Variants in DMD observed in about 807,000 individuals in gnomAD.
The protein encoded by DMD is dystrophin.
In DMD, 63 loss-of-function variants were observed where a neutral mutation model predicts 330.1. The ratio of observed to expected loss-of-function variants is 0.19; its 90% CI spans 0.16 to 0.24. The LOEUF (loss-of-function observed/expected upper bound fraction) is 0.24. Ranked by LOEUF, DMD falls within the 10% of genes least tolerant of loss-of-function variation. The pLI is 1.00. For missense variants in DMD, 3,344 were observed against 2,684.1 expected (o/e 1.25, Z -5.43); for synonymous variants, 1,223 against 959.8 (o/e 1.27, Z -5.07).
chrX:31,140,013 G>C (rs1186261259), intron 76 of DMD, among the ~76,000 whole-genome samples: 1 of 112,491 alleles, frequency 8.9e-6, no homozygotes, highest in Admixed American at 9.4e-5. Flanking sequence ...AAATATGATA[G>C]TCTCCTTTAA....
At chrX:32,660,232 A>T in intron 9 of DMD, among the ~76,000 whole-genome samples, 1 of 104,956 alleles carries the variant, frequency 9.5e-6, no homozygotes, top group Non-Finnish European at 1.9e-5. Flanking sequence ...TACTTCTCAT[A>T]TTTTCAAGTA....
intron 2 of DMD, among the ~76,000 whole-genome samples, chrX:32,910,902 G>T (rs772546128): frequency 1.8e-5 from 2 of 111,781 alleles, no homozygotes; most frequent in Non-Finnish European, 3.8e-5. Context: ...TCAATTATGG[G>T]TATTAAACCA....
chrX:32,679,902 CTTTTTTTTTTTTT>C (rs766270656), intron 9 of DMD, among the ~76,000 whole-genome samples: 4 of 23,599 alleles, frequency 1.7e-4, no homozygotes, highest in East Asian at 1.7e-3. Context: ...AATATTTGTA[CTTTTTTTTTTTTT>C]TTTTTTTTTT....
At chrX:31,235,878 G>A (rs777653291) in intron 63 of DMD, among the ~76,000 whole-genome samples, 9 of 112,031 alleles carry the variant, frequency 8.0e-5, no homozygotes, top group African/African-American at 1.3e-4. Flanking sequence ...AGGTGAATCC[G>A]CTGTATTTAA....
intron 2 of DMD, among the ~76,000 whole-genome samples, chrX:32,874,156 G>A (rs1449715356): frequency 3.6e-5 from 4 of 112,175 alleles, no homozygotes; most frequent in Non-Finnish European, 7.5e-5. Flanking sequence ...AACCTTAACA[G>A]AAAGTGTTTG....
chrX:32,807,672 C>A (rs1258090944), intron 7 of DMD, among the ~76,000 whole-genome samples: 3 of 110,786 alleles, frequency 2.7e-5, no homozygotes, highest in African/African-American at 9.8e-5. Flanking sequence ...CGTCAACCTA[C>A]TTTTTAAAAT....
intron 12 of DMD, among the ~76,000 whole-genome samples, chrX:32,596,748 C>T (rs1203296881): frequency 3.6e-5 from 4 of 109,895 alleles, no homozygotes; most frequent in East Asian, 2.9e-4. Context: ...GATTTCACCA[C>T]GTTGGCCAGG....
chrX:32,596,700 C>A (rs1334031932), intron 12 of DMD, among the ~76,000 whole-genome samples: 1 of 110,092 alleles, frequency 9.1e-6, no homozygotes, highest in Non-Finnish European at 1.9e-5. Context: ...TGCACACCAC[C>A]ACGCCCAGCT....
Position 33,250,601 on chromosome X carries a change from C to T in DMD, c.7+88658G>A, listed in dbSNP as rs1053080030. On this transcript the variant is annotated intron_variant, in intron 1 of 17. Coordinates refer to the DMD transcript ENST00000288447. ...ATATATACAAACACATATATAAATA[C>T]GTATTGTCTATTTTTAATTCAAGGT... 6.9e-4 allele frequency among the ~76,000 whole-genome samples: 76 copies of T among 110,830 alleles called. 1 individual carries two copies. Among genetic ancestry groups the T allele is most frequent in the African/African-American group, 2.3e-3 (70 of 30,505 alleles).
At chrX:32,662,402 G>A (rs970105934) in intron 9 of DMD, among the ~76,000 whole-genome samples, 5 of 111,764 alleles carry the variant, frequency 4.5e-5, no homozygotes, top group Admixed American at 1.9e-4. Context: ...AAGAGAAATC[G>A]TCACAAGTAT....
chrX:31,863,942 CTATT>C (rs1189615241), intron 48 of DMD, among the ~76,000 whole-genome samples: 2 of 110,486 alleles, frequency 1.8e-5, no homozygotes, highest in African/African-American at 6.6e-5. Context: ...TATAAAACTT[CTATT>C]TATTAAATAT....
chrX:32,557,571 G>C (rs1336996295), intron 16 of DMD, among the ~76,000 whole-genome samples: 2 of 111,619 alleles, frequency 1.8e-5, no homozygotes, highest in African/African-American at 3.3e-5. Flanking sequence ...TGGAGGAATT[G>C]CACTTCTGCA....
rs148932215 is a variant in DMD at position 32,029,404 on chromosome X, C to T, written c.6439-60890G>A. On this transcript the variant is annotated intron_variant, in intron 44 of 78. Transcript: ENST00000357033. ...TCAACACCATAGGCAATAAGATAGA[C>T]ATCTTATTGCCTCAATTTCTGCAGG... Among the ~76,000 whole-genome samples, 753 of 111,243 alleles carry T rather than the reference C, an allele frequency of 6.8e-3. 9 individuals carry two copies. Among genetic ancestry groups the T allele is most frequent in the African/African-American group, 0.022 (687 of 30,688 alleles).
At position 32,826,478 on chromosome X, in the gene DMD, A is replaced by G. The variant is rs138953765; in HGVS notation, c.265-3091T>C. On this transcript the variant is annotated intron_variant, in intron 4 of 78. Transcript: ENST00000357033. ...GAAAGAATAAAGAAAATGCAGGTATACAGACCTACACACACACACACTGGA... is the reference window on the plus strand; with the variant it reads ...GAAAGAATAAAGAAAATGCAGGTATGCAGACCTACACACACACACACTGGA... Among the ~76,000 whole-genome samples, 920 of 111,605 alleles carry G rather than the reference A, an allele frequency of 8.2e-3. 9 individuals are homozygous for G. Among genetic ancestry groups the G allele is most frequent in the African/African-American group, 0.028 (852 of 30,703 alleles).
chrX:32,196,433 G>A, intron 44 of DMD, among the ~76,000 whole-genome samples: 1 of 111,718 alleles, frequency 9.0e-6, no homozygotes, highest in Non-Finnish European at 1.9e-5. Flanking sequence ...ACCTTAAATA[G>A]TTAAAACAAA....
At chrX:31,456,876 GTA>G (rs1179873372) in intron 59 of DMD, among the ~76,000 whole-genome samples, 3,059 of 68,539 alleles carry the variant, frequency 0.045, 52 homozygotes, top group Non-Finnish European at 0.062. Context: ...GTGTGTGTGT[GTA>G]TATATATATA....
intron 7 of DMD, 95 bp downstream of exon 7, chrX:32,809,398 T>C: frequency 4.2e-6 from 3 of 721,497 alleles, no homozygotes; most frequent in Admixed American, 2.2e-5. Context: ...ACTTAAGATA[T>C]GTAGTTTTGT....
intron 7 of DMD, among the ~76,000 whole-genome samples, chrX:32,706,580 A>T (rs915593159): frequency 9.1e-6 from 1 of 110,496 alleles, no homozygotes; most frequent in Non-Finnish European, 1.9e-5. Flanking sequence ...CAAACAAACA[A>T]AAAATTAAAA....
intron 57 of DMD, among the ~76,000 whole-genome samples, chrX:31,488,769 A>C (rs758509363): frequency 9.0e-6 from 1 of 111,699 alleles, no homozygotes; most frequent in Non-Finnish European, 1.9e-5. Flanking sequence ...CTGTGTCTTC[A>C]GTTTCGCTCT....
Sources: gnomAD v4.1 joint callset for allele counts (sites outside exome capture counted in the v4.1 genomes callset) on GRCh38, gnomAD v4.1.1 for gene constraint, MANE v1.5 for transcripts, NCBI Gene and HGNC (gene_info 2026-07-23, HGNC 2026-07-21) for gene names.